LRMDA: variants seen among roughly 807,000 people sequenced by gnomAD.
LRMDA encodes leucine-rich melanocyte differentiation-associated protein.
A neutral mutation model predicts 29.8 loss-of-function variants in LRMDA; 18 were observed. The ratio of observed to expected loss-of-function variants is 0.60; its 90% CI spans 0.42 to 0.90. The LOEUF (loss-of-function observed/expected upper bound fraction) is 0.90, where lower values mean the gene tolerates loss of function less well. Ranked by LOEUF, LRMDA falls within the 40% of genes least tolerant of loss-of-function variation. The probability of loss-of-function intolerance (pLI) is 0.00; values close to 1 mark genes in which losing one functional copy is unlikely to be tolerated. For missense variants in LRMDA, 273 were observed against 273.9 expected (o/e 1.00, Z 0.02); for synonymous variants, 125 against 109.4 (o/e 1.14, Z -0.89).
At chr10:75,557,288 T>G (rs1037432584) in intron 2 of LRMDA, among the ~76,000 whole-genome samples, 70 of 148,180 alleles carry the variant, frequency 4.7e-4, no homozygotes, top group African/African-American at 1.7e-3. Context: ...CACTCCAACC[T>G]GGGAGACAGA....
chr10:75,617,751 T>C (rs1323817966), intron 2 of LRMDA, among the ~76,000 whole-genome samples: 1 of 152,210 alleles, frequency 6.6e-6, no homozygotes, highest in Non-Finnish European at 1.5e-5. Context: ...CCTTTCTCCC[T>C]CAGTCTTTTG....
chr10:75,752,034 AATAT>A (rs372192307), intron 2 of LRMDA, among the ~76,000 whole-genome samples: 6 of 148,662 alleles, frequency 4.0e-5, no homozygotes, highest in African/African-American at 1.5e-4. Flanking sequence ...AAAATAAATA[AATAT>A]ATATATATAT....
At chr10:76,208,613 C>A (rs571440710) in intron 5 of LRMDA, among the ~76,000 whole-genome samples, 23 of 152,294 alleles carry the variant, frequency 1.5e-4, no homozygotes, top group Non-Finnish European at 3.1e-4. Flanking sequence ...GCGGGGAAAC[C>A]AGCTGTGCCC....
At chr10:76,215,009 T>G (rs1018023040) in intron 5 of LRMDA, among the ~76,000 whole-genome samples, 1 of 152,224 alleles carries the variant, frequency 6.6e-6, no homozygotes, top group African/African-American at 2.4e-5. Flanking sequence ...CAGCTGTTCT[T>G]ACAACCTGCC....
intron 2 of LRMDA, among the ~76,000 whole-genome samples, chr10:75,482,791 G>C (rs1844868581): frequency 6.6e-6 from 1 of 152,168 alleles, no homozygotes; most frequent in African/African-American, 2.4e-5. Flanking sequence ...TAGCTTTTTA[G>C]AAATGCATGT....
At chr10:75,793,348 T>C (rs1843600085) in intron 2 of LRMDA, among the ~76,000 whole-genome samples, 1 of 152,184 alleles carries the variant, frequency 6.6e-6, no homozygotes, top group Non-Finnish European at 1.5e-5. Flanking sequence ...TGGGTTGCTC[T>C]AACAAGTGAG....
chr10:75,686,542 G>A (rs927419946), intron 2 of LRMDA, among the ~76,000 whole-genome samples: 2 of 152,180 alleles, frequency 1.3e-5, no homozygotes, highest in Admixed American at 6.5e-5. Flanking sequence ...AATGTGTAGT[G>A]CCTGGCACAT....
At chr10:75,911,031 G>A (rs1845834856) in intron 2 of LRMDA, among the ~76,000 whole-genome samples, 1 of 151,996 alleles carries the variant, frequency 6.6e-6, no homozygotes, top group Non-Finnish European at 1.5e-5. Flanking sequence ...TGGAGAGGAT[G>A]TGCATTATTC....
At chr10:76,198,280 G>C (rs1045849939) in intron 5 of LRMDA, among the ~76,000 whole-genome samples, 1 of 152,252 alleles carries the variant, frequency 6.6e-6, no homozygotes, top group Non-Finnish European at 1.5e-5. Flanking sequence ...TTCTGATTCA[G>C]TGGGTCTAGG....
chr10:76,285,940 CAAAT>C (rs952384368), intron 5 of LRMDA, among the ~76,000 whole-genome samples: 2 of 152,148 alleles, frequency 1.3e-5, no homozygotes, highest in African/African-American at 4.8e-5. Flanking sequence ...TAATTCAGCT[CAAAT>C]AAGCATATTC....
intron 2 of LRMDA, among the ~76,000 whole-genome samples, chr10:75,665,018 C>T (rs1336031849): frequency 1.3e-5 from 2 of 152,112 alleles, no homozygotes; most frequent in Non-Finnish European, 2.9e-5. Flanking sequence ...TTTCCCTGGC[C>T]CATCCAACTA....
intron 5 of LRMDA, among the ~76,000 whole-genome samples, chr10:76,142,928 G>A (rs1053477891): frequency 2.0e-5 from 3 of 151,392 alleles, no homozygotes; most frequent in African/African-American, 7.3e-5. Context: ...ACCTATGAGT[G>A]AGAACATGCG....
chr10:76,290,411 CTTTTTTT>C (rs11321369), intron 5 of LRMDA, among the ~76,000 whole-genome samples: 87 of 76,754 alleles, frequency 1.1e-3, no homozygotes, highest in African/African-American at 1.6e-3. Context: ...TTTATTTTCT[CTTTTTTT>C]TTTTTTTTTT....
chr10:76,085,788 A>G (rs1778824781), intron 5 of LRMDA, among the ~76,000 whole-genome samples: 2 of 152,294 alleles, frequency 1.3e-5, no homozygotes, highest in South Asian at 4.1e-4. Context: ...TAAGCTAAAC[A>G]TAGCCATCTT....
chr10:75,570,458 G>A (rs1840425101), intron 2 of LRMDA, among the ~76,000 whole-genome samples: 3 of 152,136 alleles, frequency 2.0e-5, no homozygotes, highest in Admixed American at 6.5e-5. Context: ...TAGTATGAAT[G>A]TAATTTCTAG....
intron 2 of LRMDA, among the ~76,000 whole-genome samples, chr10:75,735,017 A>G (rs1048969439): frequency 1.3e-5 from 2 of 152,092 alleles, no homozygotes; most frequent in Non-Finnish European, 2.9e-5. Flanking sequence ...CTTATTCATG[A>G]TGATGATTGT....
chr10:75,577,490 C>T (rs557557447), intron 2 of LRMDA, among the ~76,000 whole-genome samples: 1 of 152,338 alleles, frequency 6.6e-6, no homozygotes, highest in South Asian at 2.1e-4. Flanking sequence ...AGGAGAACTT[C>T]TCCAACCTAG....
At chr10:76,097,772 T>C (rs1319334999) in intron 5 of LRMDA, among the ~76,000 whole-genome samples, 1 of 152,194 alleles carries the variant, frequency 6.6e-6, no homozygotes, top group Non-Finnish European at 1.5e-5. Flanking sequence ...AAACCCTACT[T>C]GGTAATGACA....
At chr10:75,951,286 G>A (rs548945492) in intron 2 of LRMDA, among the ~76,000 whole-genome samples, 1 of 152,324 alleles carries the variant, frequency 6.6e-6, no homozygotes, top group East Asian at 1.9e-4. Flanking sequence ...CTAAGCGAGT[G>A]GTGGTGGGCG....
Sources: allele counts gnomAD v4.1 joint callset (sites outside exome capture counted in the v4.1 genomes callset), GRCh38; gene constraint gnomAD v4.1.1; transcripts MANE v1.5; gene names NCBI Gene and HGNC (gene_info 2026-07-23, HGNC 2026-07-21).